The following COL15A1 variants were observed in gnomAD, a reference collection of about 807,000 sequenced individuals.
COL15A1 encodes collagen type XV alpha 1 chain.
COL15A1 carries 111 observed loss-of-function variants against 165.9 expected under a neutral mutation model. The observed-to-expected ratio is 0.67, with a 90% CI of 0.57 to 0.78. COL15A1 has a LOEUF of 0.78. Ranked by LOEUF, COL15A1 falls within the 30% of genes least tolerant of loss-of-function variation. The pLI is 0.00. For missense variants in COL15A1, 1,745 were observed against 1,789.7 expected (o/e 0.98, Z 0.45); for synonymous variants, 659 against 674.8 (o/e 0.98, Z 0.36).
intron 2 of COL15A1, among the ~76,000 whole-genome samples, chr9:98,984,849 T>C (rs1429110258): frequency 6.6e-6 from 1 of 152,222 alleles, no homozygotes; most frequent in East Asian, 1.9e-4. Flanking sequence ...TGGAGTGCTG[T>C]GGTGCGATCT....
At chr9:99,037,788 A>T (rs559408402) in intron 21 of COL15A1, among the ~76,000 whole-genome samples, 2 of 152,148 alleles carry the variant, frequency 1.3e-5, no homozygotes, top group Non-Finnish European at 2.9e-5. Flanking sequence ...GCTGAGAAGG[A>T]TTTTACCAGG....
At chr9:98,991,765 C>G (rs953566588) in intron 5 of COL15A1, among the ~76,000 whole-genome samples, 1 of 152,116 alleles carries the variant, frequency 6.6e-6, no homozygotes, top group Non-Finnish European at 1.5e-5. Flanking sequence ...GAGCTAGACA[C>G]AGAGTGTTGA....
rs1839298489 is a variant in COL15A1 at position 99,036,197 on chromosome 9, G to A, written c.2317G>A (p.Gly773Arg). Residue 773 changes from glycine (G) to arginine (R), a missense_variant, in exon 20 of 42, where the codon GGA becomes AGA. Gly to Arg is a moderately radical substitution (Grantham distance 125). Coordinates refer to ENST00000375001, the MANE Select transcript of COL15A1 (RefSeq NM_001855.5). ...TCTCAAAGGAGAGAAAGGAGACCGG[G>A]GACCCAAGGTGAGGTCACAGAGCCA... ...IGLKGEKGDR[G>R]PKGERGMDGA... 4 of 1,613,464 alleles carry A rather than the reference G, an allele frequency of 2.5e-6. No homozygotes were observed. Among genetic ancestry groups the A allele is most frequent in the Non-Finnish European group, 3.4e-6 (4 of 1,179,482 alleles).
chr9:99,063,680 A>T (rs1825852101), intron 39 of COL15A1, among the ~76,000 whole-genome samples: 1 of 152,204 alleles, frequency 6.6e-6, no homozygotes. Context: ...GTGCAGATTA[A>T]TCAGAAGGGA....
chr9:99,052,679 A>T (rs1352196205), intron 31 of COL15A1, among the ~76,000 whole-genome samples: 1 of 152,076 alleles, frequency 6.6e-6, no homozygotes, highest in African/African-American at 2.4e-5. Flanking sequence ...CTGTTCTTTC[A>T]ATTGTTCATT....
intron 2 of COL15A1, among the ~76,000 whole-genome samples, chr9:98,976,352 C>T (rs1838142121): frequency 6.6e-6 from 1 of 152,218 alleles, no homozygotes; most frequent in Non-Finnish European, 1.5e-5. Context: ...CTCTGAGAGT[C>T]TATCTGGTCT....
rs971444141 is a variant in COL15A1 at position 99,070,274 on chromosome 9, T to C, written c.*388T>C. The stretch of plus-strand genomic sequence containing the variant: ...CCTTCATGTTTTCTTATAAAGTCAG[T>C]GTTTAGAAATGTTACCCTTTCTAAG... On this transcript the variant is annotated 3_prime_UTR_variant, in exon 42 of 42. Transcript: ENST00000375001. 3.7e-5 allele frequency: 8 copies of C among 216,950 alleles called. No homozygotes were observed. Among genetic ancestry groups the C allele is most frequent in the African/African-American group, 1.9e-4 (8 of 42,328 alleles). 13.4% of individuals were successfully genotyped at this position (216,950 alleles called of 1,614,324 possible). A position where few individuals can be genotyped will look rare whatever the true frequency, so the allele number is the denominator to read the frequency against.
Position 99,070,473 on chromosome 9 carries a change from T to A in COL15A1, c.*587T>A. On this transcript the variant is annotated 3_prime_UTR_variant, in exon 42 of 42. Transcript: ENST00000375001. ...CCATCATGCTTTAGGAATTTTATAT[T>A]TTTACACAATCATATTTTAGTATGG... 1 of 263,490 alleles carries A rather than the reference T, an allele frequency of 3.8e-6. No homozygotes were observed. Among genetic ancestry groups the A allele is most frequent in the Non-Finnish European group, 7.7e-6 (1 of 130,450 alleles). The allele number at this position is 263,490 out of a possible 1,614,324, so 16.3% of individuals were successfully genotyped here. A position where few individuals can be genotyped will look rare whatever the true frequency, so the allele number is the denominator to read the frequency against.
intron 2 of COL15A1, among the ~76,000 whole-genome samples, chr9:98,951,191 G>A (rs1181375003): frequency 1.3e-5 from 2 of 152,182 alleles, no homozygotes; most frequent in African/African-American, 4.8e-5. Context: ...CTGGACTTTA[G>A]CAATTTGTCA....
chr9:99,051,604 ATCCTTAACTTAGAAATGTTTT>A (rs1354694026), intron 30 of COL15A1, among the ~76,000 whole-genome samples: 1 of 152,170 alleles, frequency 6.6e-6, no homozygotes, highest in Non-Finnish European at 1.5e-5. Flanking sequence ...TGCAACTTTC[ATCCTTAACTTAGAAATGTTTT>A]TCCTGGTAGA....
chr9:99,040,787 G>A, intron 23 of COL15A1: 1 of 664,976 alleles, frequency 1.5e-6, no homozygotes, highest in Admixed American at 3.0e-5. Context: ...CCAAAGTGCT[G>A]GGATTACAAG....
At chr9:99,025,601 C>A (rs905446557) in intron 15 of COL15A1, among the ~76,000 whole-genome samples, 1 of 152,208 alleles carries the variant, frequency 6.6e-6, no homozygotes, top group African/African-American at 2.4e-5. Flanking sequence ...ATCTTGGAAT[C>A]ATAGGCCATC....
chr9:98,998,126 G>A (rs1405504853), intron 6 of COL15A1, among the ~76,000 whole-genome samples: 2 of 152,180 alleles, frequency 1.3e-5, no homozygotes, highest in African/African-American at 4.8e-5. Flanking sequence ...ATATAGCTAT[G>A]TAGAGCGATG....
At chr9:98,981,527 T>A (rs1315195142) in intron 2 of COL15A1, among the ~76,000 whole-genome samples, 4 of 152,096 alleles carry the variant, frequency 2.6e-5, no homozygotes, top group African/African-American at 9.7e-5. Flanking sequence ...AAAAATACAA[T>A]GCTGAGTGAA....
chr9:99,020,354 T>C, intron 11 of COL15A1, 35 bp from the exon 12 acceptor site: 5 of 1,555,474 alleles, frequency 3.2e-6, no homozygotes, highest in East Asian at 2.2e-5. Context: ...CCAAATATGT[T>C]GTGGCCACGT....
intron 2 of COL15A1, among the ~76,000 whole-genome samples, chr9:98,982,496 GTACGA>G (rs1383901186): frequency 7.9e-5 from 12 of 152,122 alleles, no homozygotes; most frequent in African/African-American, 2.7e-4. Flanking sequence ...GCAGGGTCTG[GTACGA>G]TAGAAACTTA....
intron 2 of COL15A1, among the ~76,000 whole-genome samples, chr9:98,946,200 C>G (rs56227821): frequency 0.3 from 46,164 of 152,028 alleles, 7,341 homozygotes; most frequent in Non-Finnish European, 0.37. Flanking sequence ...ATCCTTACAA[C>G]CACTCCAGGA....
intron 16 of COL15A1, among the ~76,000 whole-genome samples, chr9:99,033,700 C>G (rs993168326): frequency 6.6e-6 from 1 of 152,206 alleles, no homozygotes; most frequent in Non-Finnish European, 1.5e-5. Context: ...AGCCCAGGAA[C>G]AAAAATGACT....
chr9:98,959,588 A>T (rs921641310), intron 2 of COL15A1, among the ~76,000 whole-genome samples: 20 of 151,488 alleles, frequency 1.3e-4, no homozygotes, highest in African/African-American at 4.9e-4. Context: ...ACAGAGTGAG[A>T]TCTTGCCATA....
Sources: allele counts gnomAD v4.1 joint callset (sites outside exome capture counted in the v4.1 genomes callset), GRCh38; gene constraint gnomAD v4.1.1; transcripts MANE v1.5; gene names NCBI Gene and HGNC (gene_info 2026-07-23, HGNC 2026-07-21).